MBD6: variants seen among roughly 807,000 people sequenced by gnomAD.
MBD6 encodes methyl-CpG-binding domain protein 6.
Under a neutral mutation model 66.8 loss-of-function variants are expected in MBD6, and 22 were observed. That is an observed-to-expected ratio of 0.33 (90% CI 0.24 to 0.47). The LOEUF is 0.47. MBD6 is among the 20% of genes least tolerant of loss of function. The pLI is 1.00. For missense variants in MBD6, 1,322 were observed against 1,286.9 expected, an observed-to-expected ratio of 1.03 and a Z score of -0.42; for synonymous variants, 540 against 534.6, an observed-to-expected ratio of 1.01 and a Z score of -0.14.
downstream of MBD6, chr12:57,530,494 T>A: frequency 2.0e-6 from 1 of 508,406 alleles, no homozygotes; most frequent in Non-Finnish European, 3.5e-6. Context: ...CACCTTCTGA[T>A]GATAACCAAC....
chr12:57,522,938 C>G lies in MBD6; in HGVS notation c.-162C>G, dbSNP rs1878494420. On this transcript the variant is annotated 5_prime_UTR_variant, in exon 1 of 13. Transcript: ENST00000355673. ...ACCGGAGGCTCGGGCTCCACCGACC[C>G]TCCTCCCACCCCCTCCCACTCACCC... 6.7e-6 allele frequency: 1 copy of G among 148,964 alleles called. No individual in the cohort carries two copies. Among genetic ancestry groups the G allele is most frequent in the Admixed American group, 6.7e-5 (1 of 15,012 alleles). 9.2% of individuals were successfully genotyped at this position (148,964 alleles called of 1,614,324 possible).
intron 1 of MBD6, among the ~76,000 whole-genome samples, 180 bp from the exon 2 acceptor site, chr12:57,523,849 T>C (rs976711938): frequency 2.6e-5 from 4 of 152,222 alleles, no homozygotes; most frequent in Admixed American, 1.3e-4. Context: ...TCTGACCCTC[T>C]GGTCCCTAGG....
Position 57,530,111 on chromosome 12 carries a change from A to T in MBD6, c.*877A>T, listed in dbSNP as rs576842116. On this transcript the variant is annotated 3_prime_UTR_variant, in exon 13 of 13. Coordinates refer to ENST00000355673, the MANE Select transcript of MBD6 (RefSeq NM_052897.4). ...CCTCCACTGCTTTTCTATGGGAGAC[A>T]CTCTTAATTTAACAGATGAGAATAT... The T allele has an allele frequency of 6.6e-6, 1 of 152,496 alleles. No individual in the cohort carries two copies. The highest frequency in any genetic ancestry group is 1.9e-4 in the East Asian group (1 of 5,180). 9.4% of individuals were successfully genotyped at this position (152,496 alleles called of 1,614,324 possible). A position where few individuals can be genotyped will look rare whatever the true frequency, so the allele number is the denominator to read the frequency against.
intron 3 of MBD6, 65 bp from the exon 4 acceptor site, chr12:57,524,655 C>T (rs1878720297): frequency 7.0e-7 from 1 of 1,429,832 alleles, no homozygotes; most frequent in Non-Finnish European, 9.9e-7. Context: ...AAGCACTGTG[C>T]TTTAGGAGTA....
intron 10 of MBD6, 30 bp downstream of exon 10, chr12:57,528,590 C>A (rs1169130139): frequency 1.2e-6 from 2 of 1,612,160 alleles, no homozygotes; most frequent in South Asian, 2.2e-5. Flanking sequence ...AGTCTGGGCT[C>A]AGGGGCTCTG....
In MBD6 at chr12:57,528,127, A is replaced by T. The variant is rs1037699366; in HGVS notation, c.2407-20A>T. On this transcript the variant is annotated intron_variant, in intron 9 of 12. Coordinates refer to ENST00000355673, the MANE Select transcript of MBD6 (RefSeq NM_052897.4). ...GGACGGTATTTGAGATTGACTGAGA[A>T]CTTATTTTTTTGCCAGCAGATCCCT... 1.3e-5 allele frequency: 20 copies of T among 1,568,356 alleles called. No individual in the cohort carries two copies. Among genetic ancestry groups the T allele is most frequent in the Non-Finnish European group, 1.7e-5 (20 of 1,164,318 alleles).
rs3802987 is a variant in MBD6, at chr12:57,523,819, T to C, written c.-88-210T>C. 3.1e-3 allele frequency among the ~76,000 whole-genome samples: 466 copies of C among 152,342 alleles called. 18 individuals are homozygous for C. In the East Asian group the frequency reaches 0.072, roughly 24 times the overall value. On this transcript the variant is annotated intron_variant, in intron 1 of 12. Transcript: ENST00000355673. ...GCCTAAGAATTGGGCTAGACTTTCT[T>C]GGTCCCAGGGAGCTGAGGTTCTGAC...
chr12:57,531,416 C>T (rs1001365699), downstream of MBD6, among the ~76,000 whole-genome samples: 1 of 152,128 alleles, frequency 6.6e-6, no homozygotes, highest in Admixed American at 6.5e-5. Context: ...ACTCAATAGG[C>T]TGAGGCATGA....
rs779798570 is a variant in MBD6, at chr12:57,525,657, G to A, written c.689G>A (p.Gly230Glu). 1 of 1,613,972 alleles carries A rather than the reference G, an allele frequency of 6.2e-7. No individual in the cohort carries two copies. Among genetic ancestry groups the A allele is most frequent in the Admixed American group, 1.7e-5 (1 of 59,996 alleles). Residue 230 changes from glycine (G) to glutamate (E), a missense_variant, in exon 6 of 13, where the codon GGA (glycine) becomes GAA (glutamate). Coordinates refer to ENST00000355673, the MANE Select transcript of MBD6 (RefSeq NM_052897.4). ...ISLNAPSYNW[G>E]AALRSSLVPS... is the part of the protein sequence containing the mutation. Reference sequence around the variant, plus strand: ...CTCAATGCTCCCTCATACAACTGGGGAGCTGCCCTCAGATCCAGCCTGGTG... The same window carrying A: ...CTCAATGCTCCCTCATACAACTGGGAAGCTGCCCTCAGATCCAGCCTGGTG...
In MBD6 at chr12:57,528,163, C is replaced by G. The variant is rs1183685140; in HGVS notation, c.2423C>G (p.Pro808Arg). Residue 808 changes from proline (P) to arginine (R), a missense_variant, in exon 10 of 13, where the codon CCA becomes CGA. Coordinates refer to ENST00000355673, the MANE Select transcript of MBD6 (RefSeq NM_052897.4). ...LQSLQIPPEQ[P>R]EAPCLPPESP... ...TGCCAGCAGATCCCTCCAGAGCAGC[C>G]AGAAGCCCCCTGTCTACCCCCCGAG... 5 of 1,604,932 alleles carry G rather than the reference C, an allele frequency of 3.1e-6. No homozygotes were observed. Among genetic ancestry groups the G allele is most frequent in the African/African-American group, 1.4e-5 (1 of 74,004 alleles).
At chr12:57,524,849 G>C in intron 4 of MBD6, 27 bp downstream of exon 4, 1 of 1,613,784 alleles carries the variant, frequency 6.2e-7, no homozygotes, top group Non-Finnish European at 8.5e-7. Context: ...GCGCCTGAGA[G>C]TACAGAGATA....
Position 57,528,327 on chromosome 12 carries a change from G to A in MBD6, c.2587G>A (p.Gly863Arg), listed in dbSNP as rs753181989. The A allele has an allele frequency of 1.2e-6, 2 of 1,609,374 alleles. No individual in the cohort carries two copies. Among genetic ancestry groups the A allele is most frequent in the Non-Finnish European group, 1.7e-6 (2 of 1,177,800 alleles). ...GSGKRGRRGGGGLRGINGEAR... is the reference protein window; with the variant it reads ...GSGKRGRRGGRGLRGINGEAR... ...AGGGAAACGGGGCCGGAGGGGAGGA[G>A]GGGGACTTAGGGGCATTAATGGTGA... The change falls in exon 10 of 13, where the codon GGG becomes AGG. Residue 863 changes from glycine to arginine, a missense_variant. Physicochemically the swap from Gly to Arg is moderately radical, Grantham distance 125. Coordinates refer to ENST00000355673, the MANE Select transcript of MBD6 (RefSeq NM_052897.4).
rs199628867 is a variant in MBD6 at position 57,529,212 on chromosome 12, A to T, written c.2990A>T (p.Lys997Met). ...CGCCCTGGCCGTCCTGCCAAAAACA[A>T]GAGGAGGAAACTGGCCCCATAGCAG... Reference protein sequence around the residue: ...RARPGRPAKNKRRKLAP With the variant: ...RARPGRPAKNMRRKLAP The change falls in exon 13 of 13, where the codon AAG (lysine) becomes ATG (methionine). Residue 997 changes from lysine (K) to methionine (M), a missense_variant. Coordinates refer to ENST00000355673, the MANE Select transcript of MBD6 (RefSeq NM_052897.4). The T allele has an allele frequency of 1.9e-6, 3 of 1,613,970 alleles. No individual in the cohort carries two copies. In the Admixed American group the frequency reaches 5.0e-5, roughly 27 times the overall value.
upstream of MBD6, chr12:57,521,218 T>C (rs987666503): frequency 6.6e-6 from 1 of 152,252 alleles, no homozygotes. Context: ...ATCCCAGCAC[T>C]TTGGGAGGCT....
chr12:57,524,146 T>G (rs1594853997), intron 2 of MBD6, 54 bp downstream of exon 2: 1 of 471,034 alleles, frequency 2.1e-6, no homozygotes, highest in Non-Finnish European at 3.7e-6. Context: ...AGCTGAGGGG[T>G]TCCCCTTGCT....
chr12:57,527,225 C>A lies in MBD6; in HGVS notation c.2080C>A (p.Gln694Lys). 6.6e-7 allele frequency: 1 copy of A among 1,504,870 alleles called. No individual in the cohort carries two copies. Among genetic ancestry groups the A allele is most frequent in the Middle Eastern group, 1.8e-4 (1 of 5,494 alleles). The allele number at this position is 1,504,870 out of a possible 1,614,324, so 93.2% of individuals were successfully genotyped here. ...TLDPPSGTPPQPCVLSAPQPG... is the reference protein window; with the variant it reads ...TLDPPSGTPPKPCVLSAPQPG... ...GGATCCCCCCTCGGGGACACCCCCC[C>A]AGGTGAGGATGGGGGTGAGTAGGTG... The change falls in exon 7 of 13, where the codon CAG (glutamine) becomes AAG (lysine). Residue 694 changes from glutamine (Q) to lysine (K), a missense_variant and splice_region_variant. By Grantham distance (53) the Gln-to-Lys change is moderately conservative. Transcript: ENST00000355673.
At position 57,526,607 on chromosome 12, in the gene MBD6, C is replaced by A; in HGVS notation, c.1462C>A (p.Pro488Thr). 1 of 1,513,916 alleles carries A rather than the reference C, an allele frequency of 6.6e-7. No individual in the cohort carries two copies. The highest frequency in any genetic ancestry group is 8.8e-7 in the Non-Finnish European group (1 of 1,132,310). 93.8% of individuals were successfully genotyped at this position (1,513,916 alleles called of 1,614,324 possible). A position where few individuals can be genotyped will look rare whatever the true frequency, so the allele number is the denominator to read the frequency against. ...AGCTGCCTCCAAAGCCCCAGTAGTC[C>A]CCAGCCCTGTGCTTCAAAGCCCATC... ...PPAASKAPVV[P>T]SPVLQSPSEG... The change falls in exon 7 of 13, where the codon CCC becomes ACC. Residue 488 changes from proline to threonine, a missense_variant. Transcript: ENST00000355673.
In MBD6 at chr12:57,529,620, T is replaced by C; in HGVS notation, c.*386T>C. On this transcript the variant is annotated 3_prime_UTR_variant, in exon 13 of 13. Transcript: ENST00000355673. ...GCCTCCCTTCTTAAAGCCAACAGGCTCAGTTTACAAACCTGTGAGCTACTG... is the reference window on the plus strand; with the variant it reads ...GCCTCCCTTCTTAAAGCCAACAGGCCCAGTTTACAAACCTGTGAGCTACTG... The C allele has an allele frequency of 5.1e-6, 1 of 197,778 alleles. No individual in the cohort carries two copies. Among genetic ancestry groups the C allele is most frequent in the Non-Finnish European group, 1.1e-5 (1 of 93,698 alleles). The allele number at this position is 197,778 out of a possible 1,614,324, so 12.3% of individuals were successfully genotyped here.
In MBD6 at chr12:57,527,088, C is replaced by G; in HGVS notation, c.1943C>G (p.Pro648Arg). The change falls in exon 7 of 13, where the codon CCA becomes CGA. Residue 648 changes from proline (P) to arginine (R), a missense_variant. Transcript: ENST00000355673. ...GGATCTGCAGAGGGAGCCGGGGGTC[C>G]AAGTGGGGAGCCATTTTCAGGCTTG... ...GEGSAEGAGGPSGEPFSGLGD... is the reference protein window; with the variant it reads ...GEGSAEGAGGRSGEPFSGLGD... 1 of 1,598,916 alleles carries G rather than the reference C, an allele frequency of 6.3e-7. No individual in the cohort carries two copies.
Sources: allele counts gnomAD v4.1 joint callset (sites outside exome capture counted in the v4.1 genomes callset), GRCh38; gene constraint gnomAD v4.1.1; transcripts MANE v1.5; gene names NCBI Gene and HGNC (gene_info 2026-07-23, HGNC 2026-07-21).